Variants in GIMAP8 observed in about 807,000 individuals in gnomAD.
GIMAP8 encodes the protein GTPase IMAP family member 8.
Under a neutral mutation model 35.6 loss-of-function variants are expected in GIMAP8, and 29 were observed. That is an observed-to-expected ratio of 0.81 (90% CI 0.61 to 1.11). GIMAP8 has a LOEUF of 1.11. Among genes scored for constraint, GIMAP8 ranks in the 50% most tolerant of loss-of-function variants. GIMAP8 has a pLI of 0.00. For missense variants in GIMAP8, 811 were observed against 805.0 expected (o/e 1.01, Z -0.09); for synonymous variants, 335 against 308.7 (o/e 1.09, Z -0.89).
rs983455205 is a variant in GIMAP8 at position 150,450,982 on chromosome 7, C to G, written c.-222C>G. 3.9e-5 allele frequency: 6 copies of G among 152,298 alleles called. No individual in the cohort carries two copies. The highest frequency in any genetic ancestry group is 8.8e-5 in the Non-Finnish European group (6 of 68,074). 9.4% of individuals were successfully genotyped at this position (152,298 alleles called of 1,614,324 possible). ...CTGTGGCCTGCACAGGGAACTTCCT[C>G]TCCGACTGCATTTATGCCTCTGTGG... On this transcript the variant is annotated 5_prime_UTR_variant, in exon 1 of 5. Coordinates refer to ENST00000307271, the MANE Select transcript of GIMAP8 (RefSeq NM_175571.4). The surrounding 1 kb of genome is among the most constrained non-coding windows in gnomAD (Gnocchi z 4.4).
intron 3 of GIMAP8, among the ~76,000 whole-genome samples, chr7:150,473,337 C>A (rs181565642): frequency 6.6e-6 from 1 of 151,806 alleles, no homozygotes; most frequent in South Asian, 2.1e-4. Flanking sequence ...CAGCTTGATG[C>A]CTTTTTCTAT....
chr7:150,477,043 A>G (rs1802244273), intron 4 of GIMAP8, 49 bp from the exon 5 acceptor site: 4 of 1,453,730 alleles, frequency 2.8e-6, no homozygotes, highest in Middle Eastern at 1.8e-4. Context: ...TTAAAATCCA[A>G]TTTCAGATCA....
intron 2 of GIMAP8, among the ~76,000 whole-genome samples, chr7:150,469,796 C>T (rs147177365): frequency 3.9e-5 from 6 of 152,038 alleles, no homozygotes; most frequent in East Asian, 3.9e-4. Context: ...AGAAATAAAC[C>T]GAAGATTGAT....
intron 1 of GIMAP8, among the ~76,000 whole-genome samples, chr7:150,453,117 T>C (rs891918363): frequency 3.2e-4 from 49 of 151,902 alleles, no homozygotes; most frequent in African/African-American, 1.2e-3. Context: ...AAAATAAAAT[T>C]AATAAATAAT....
At position 150,467,227 on chromosome 7, in the gene GIMAP8, G is replaced by C. The variant is rs763584946; in HGVS notation, c.529G>C (p.Glu177Gln). 1.2e-6 allele frequency: 2 copies of C among 1,614,104 alleles called. No individual in the cohort carries two copies. The highest frequency in any genetic ancestry group is 2.7e-5 in the African/African-American group (2 of 74,936). The change falls in exon 2 of 5, where the codon GAG becomes CAG. Residue 177 changes from glutamate (E) to glutamine (Q), a missense_variant. Coordinates refer to ENST00000307271, the MANE Select transcript of GIMAP8 (RefSeq NM_175571.4). ...IFNNKTNSKD[E>Q]QITQVLELLR... ...CAACAACAAGACCAATAGTAAGGATGAGCAGATCACCCAGGTGTTGGAGCT... is the reference window on the plus strand; with the variant it reads ...CAACAACAAGACCAATAGTAAGGATCAGCAGATCACCCAGGTGTTGGAGCT...
At chr7:150,475,375 T>C (rs777960200) in intron 4 of GIMAP8, among the ~76,000 whole-genome samples, 6 of 152,232 alleles carry the variant, frequency 3.9e-5, no homozygotes, top group Non-Finnish European at 8.8e-5. Context: ...GCTTCTCAAA[T>C]TGTACTGAAG....
rs888918010 is a variant in GIMAP8, at chr7:150,472,193, A to C, written c.682+1319A>C. Among the ~76,000 whole-genome samples, 4 of 152,276 alleles carry C rather than the reference A, an allele frequency of 2.6e-5. No individual in the cohort carries two copies. The highest frequency in any genetic ancestry group is 4.4e-5 in the Non-Finnish European group (3 of 68,016). On this transcript the variant is annotated intron_variant, in intron 3 of 4. Transcript: ENST00000307271. The surrounding 1 kb of genome is among the most constrained non-coding windows in gnomAD (Gnocchi z 4.1). ...TGTCAGAAACAGGGGGCAGGGAAGG[A>C]CTTTTTATAGGATGTGGGCTCATGT...
At chr7:150,470,807 A>G (rs550705017) in intron 2 of GIMAP8, 22 bp from the exon 3 acceptor site, 6 of 1,129,414 alleles carry the variant, frequency 5.3e-6, no homozygotes, top group South Asian at 3.6e-5. Context: ...TGTGTGCACT[A>G]TTTTGTTCCT....
chr7:150,453,183 G>C (rs1268996346), intron 1 of GIMAP8, among the ~76,000 whole-genome samples: 18 of 152,198 alleles, frequency 1.2e-4, no homozygotes, highest in Non-Finnish European at 1.9e-4. Flanking sequence ...ATTGAGGAGA[G>C]AGAGGAGATA....
chr7:150,453,443 C>T (rs542509019), intron 1 of GIMAP8, among the ~76,000 whole-genome samples: 3 of 152,308 alleles, frequency 2.0e-5, no homozygotes, highest in Admixed American at 6.5e-5. Flanking sequence ...GAAAGTGGGC[C>T]CTGCCACTGC....
In GIMAP8 at chr7:150,451,927, C is replaced by T. The variant is rs1207613677; in HGVS notation, c.-29+752C>T. ...CTGCTGGGCTGGGTCTAAGGTCTTC[C>T]CCACGCTGGGCTCTGGAGGCATCTC... is the stretch of plus-strand genomic sequence containing the variant. On this transcript the variant is annotated intron_variant, in intron 1 of 4. Transcript: ENST00000307271. The surrounding 1 kb of genome is among the most constrained non-coding windows in gnomAD (Gnocchi z 4.1). 2.0e-5 allele frequency among the ~76,000 whole-genome samples: 3 copies of T among 152,298 alleles called. No homozygotes were observed. Among genetic ancestry groups the T allele is most frequent in the East Asian group, 3.9e-4 (2 of 5,186 alleles).
chr7:150,452,673 G>GAGATAT (rs1554492366), intron 1 of GIMAP8, among the ~76,000 whole-genome samples: 8 of 56,284 alleles, frequency 1.4e-4, no homozygotes. Flanking sequence ...GTGTGTGTGT[G>GAGATAT]AGATATATAT....
At chr7:150,462,958 T>C (rs774631405) in intron 1 of GIMAP8, among the ~76,000 whole-genome samples, 2 of 152,210 alleles carry the variant, frequency 1.3e-5, no homozygotes, top group African/African-American at 2.4e-5. Flanking sequence ...TGTATCTTTC[T>C]GGAACTCTCA....
At position 150,477,406 on chromosome 7, in the gene GIMAP8, A is replaced by G; in HGVS notation, c.1624A>G (p.Lys542Glu). 6.2e-7 allele frequency: 1 copy of G among 1,614,108 alleles called. No homozygotes were observed. The highest frequency in any genetic ancestry group is 8.5e-7 in the Non-Finnish European group (1 of 1,179,920). The part of the protein sequence containing the change: ...FQLGRFTEED[K>E]TAVAKLEAIF... ...GCTGGGACGATTCACTGAAGAGGAC[A>G]AAACAGCTGTGGCGAAACTGGAGGC... Residue 542 changes from lysine to glutamate, a missense_variant, in exon 5 of 5, where the codon AAA (lysine) becomes GAA (glutamate). By Grantham distance (56) the Lys-to-Glu change is moderately conservative. Transcript: ENST00000307271.
chr7:150,453,585 C>T (rs776343012), intron 1 of GIMAP8, among the ~76,000 whole-genome samples: 4 of 152,254 alleles, frequency 2.6e-5, no homozygotes, highest in Non-Finnish European at 5.9e-5. Flanking sequence ...TCACTTTCTT[C>T]GGCGTATCTG....
intron 1 of GIMAP8, among the ~76,000 whole-genome samples, chr7:150,457,332 G>A (rs533106393): frequency 1.3e-5 from 2 of 152,192 alleles, no homozygotes; most frequent in East Asian, 1.9e-4. Context: ...AACCTCCAGC[G>A]TGTGTGTCAT....
In GIMAP8 at chr7:150,466,998, A is replaced by C. The variant is rs959171508; in HGVS notation, c.300A>C (p.Val100=). 1 of 1,614,120 alleles carries C rather than the reference A, an allele frequency of 6.2e-7. No individual in the cohort carries two copies. The highest frequency in any genetic ancestry group is 1.3e-5 in the African/African-American group (1 of 74,936). ...SAPSLHALLL[V]IAIGHFTRED... is the part of the protein sequence containing the mutation. ...CCAGCCTCCATGCTCTGCTCTTGGTAATTGCCATCGGCCATTTCACAAGGG... is the reference window on the plus strand; with the variant it reads ...CCAGCCTCCATGCTCTGCTCTTGGTCATTGCCATCGGCCATTTCACAAGGG... The change falls in exon 2 of 5, where the codon GTA becomes GTC. Residue 100 remains valine, a synonymous_variant. Coordinates refer to ENST00000307271, the MANE Select transcript of GIMAP8 (RefSeq NM_175571.4).
rs368436004 is a variant in GIMAP8, at chr7:150,465,916, C to T, written c.-28-755C>T. Among the ~76,000 whole-genome samples the T allele has an allele frequency of 3.9e-5, 6 of 152,228 alleles. 1 individual carries two copies. In the Middle Eastern group the frequency reaches 0.014, roughly 345 times the overall value. On this transcript the variant is annotated intron_variant, in intron 1 of 4. Transcript: ENST00000307271. Reference sequence around the variant, plus strand: ...AAAATATCCTTGAAGTAGGTAATACCGCTTCTATCTTATGGATTAGGACAC... The same window carrying T: ...AAAATATCCTTGAAGTAGGTAATACTGCTTCTATCTTATGGATTAGGACAC...
chr7:150,473,544 G>GT (rs369170575), intron 3 of GIMAP8, among the ~76,000 whole-genome samples: 1 of 147,730 alleles, frequency 6.8e-6, no homozygotes, highest in Admixed American at 6.8e-5. Flanking sequence ...TACTTAGCGT[G>GT]TTTTTTTGAG....
Sources: gnomAD v4.1 joint callset for allele counts (sites outside exome capture counted in the v4.1 genomes callset) on GRCh38, gnomAD v4.1.1 for gene constraint, Gnocchi (gnomAD v3.1) non-coding constraint, MANE v1.5 for transcripts, NCBI Gene and HGNC (gene_info 2026-07-23, HGNC 2026-07-21) for gene names.